Variants in ATP11C observed in about 807,000 individuals in gnomAD.
ATP11C encodes phospholipid-transporting ATPase IG.
In ATP11C, 36 loss-of-function variants were observed where a neutral mutation model predicts 97.4. The ratio of observed to expected loss-of-function variants is 0.37; its 90% CI spans 0.28 to 0.49. The LOEUF (loss-of-function observed/expected upper bound fraction) is 0.49, where lower values mean the gene tolerates loss of function less well. ATP11C is among the 20% of genes least tolerant of loss of function. The probability of loss-of-function intolerance (pLI) is 0.98; values close to 1 mark genes in which losing one functional copy is unlikely to be tolerated. For missense variants in ATP11C, 730 were observed against 824.6 expected (o/e 0.89, Z 1.40); for synonymous variants, 275 against 290.9 (o/e 0.95, Z 0.56).
At chrX:139,859,170 G>C (rs1037611873) in intron 1 of ATP11C, among the ~76,000 whole-genome samples, 4 of 111,991 alleles carry the variant, frequency 3.6e-5, no homozygotes, top group African/African-American at 6.5e-5. Flanking sequence ...CATAGAAGTA[G>C]AGAGCAGAAT....
chrX:139,815,512 A>G (rs942433250), intron 4 of ATP11C, among the ~76,000 whole-genome samples: 22 of 111,963 alleles, frequency 2.0e-4, no homozygotes, highest in Non-Finnish European at 1.9e-5. Flanking sequence ...GATAAGTTGT[A>G]GAGATCAACA....
At chrX:139,806,198 AG>A (rs1363158513) in intron 5 of ATP11C, among the ~76,000 whole-genome samples, 1 of 111,607 alleles carries the variant, frequency 9.0e-6, no homozygotes, top group Admixed American at 9.6e-5. Flanking sequence ...CAGATCACAA[AG>A]GGCTTAGCAG....
intron 12 of ATP11C, among the ~76,000 whole-genome samples, chrX:139,789,935 C>A (rs1031186040): frequency 3.8e-4 from 41 of 108,505 alleles, no homozygotes; most frequent in Non-Finnish European, 9.5e-5. Context: ...GAGGCTGAGG[C>A]ACAAGAATTG....
Position 139,902,393 on chromosome X carries a change from C to T in ATP11C, c.27+29623G>A, listed in dbSNP as rs902699260. Among the ~76,000 whole-genome samples, 3 of 111,350 alleles carry T rather than the reference C, an allele frequency of 2.7e-5. No individual in the cohort carries two copies. In the Admixed American group the frequency reaches 2.9e-4, roughly 11 times the overall value. ...AATTAACTGGACCTATCTCAGATATCTGGGGTTCACACTGATATGACTATG... is the reference window on the plus strand; with the variant it reads ...AATTAACTGGACCTATCTCAGATATTTGGGGTTCACACTGATATGACTATG... On this transcript the variant is annotated intron_variant, in intron 1 of 29. Transcript: ENST00000682941.
chrX:139,796,928 CT>C (rs920467678), intron 11 of ATP11C, among the ~76,000 whole-genome samples: 1 of 108,825 alleles, frequency 9.2e-6, no homozygotes, highest in African/African-American at 3.4e-5. Context: ...AAAAAAAACT[CT>C]TTTTTTCTTT....
chrX:139,905,785 G>A (rs755695559), intron 1 of ATP11C, among the ~76,000 whole-genome samples: 4 of 111,559 alleles, frequency 3.6e-5, no homozygotes, highest in Non-Finnish European at 5.6e-5. Flanking sequence ...AATATTGCCT[G>A]CTGTAATTGG....
chrX:139,890,002 T>C (rs1241698225), intron 1 of ATP11C, among the ~76,000 whole-genome samples: 1 of 112,199 alleles, frequency 8.9e-6, no homozygotes, highest in Non-Finnish European at 1.9e-5. Context: ...ACAACCACTC[T>C]GATTTAGAAG....
chrX:139,897,409 C>T (rs921010655), intron 1 of ATP11C, among the ~76,000 whole-genome samples: 8 of 109,732 alleles, frequency 7.3e-5, no homozygotes, highest in South Asian at 3.9e-4. Flanking sequence ...TTGGGCCGAG[C>T]GCAGAGGCTC....
In ATP11C at chrX:139,870,775, G is replaced by A. The variant is rs948209563; in HGVS notation, c.28-43952C>T. Among the ~76,000 whole-genome samples the A allele has an allele frequency of 6.3e-5, 7 of 111,989 alleles. No individual in the cohort carries two copies. The South Asian group carries it at 1.1e-3, about 17-fold the overall frequency. ...CTTCTGTGTATAAAAAGATACACGC[G>A]GCCAGGCGCGGTGGCTCACGCCTGT... On this transcript the variant is annotated intron_variant, in intron 1 of 29. Coordinates refer to ENST00000682941, the MANE Select transcript of ATP11C (RefSeq NM_001353812.2).
At chrX:139,768,118 A>G in intron 20 of ATP11C, 142 bp downstream of exon 20, 1 of 399,970 alleles carries the variant, frequency 2.5e-6, no homozygotes. Context: ...GTCTGATTAC[A>G]AAAAGAAAGA....
chrX:139,857,804 AC>A (rs1056702425), intron 1 of ATP11C, among the ~76,000 whole-genome samples: 3 of 110,812 alleles, frequency 2.7e-5, no homozygotes, highest in African/African-American at 9.9e-5. Context: ...AAAAAAAAAA[AC>A]TTTTGGAGCC....
At chrX:139,894,995 G>A (rs1417687921) in intron 1 of ATP11C, among the ~76,000 whole-genome samples, 3 of 111,811 alleles carry the variant, frequency 2.7e-5, no homozygotes, top group Non-Finnish European at 5.6e-5. Flanking sequence ...GGCAGAGGTT[G>A]CAGTGAGCCG....
At position 139,733,445 on chromosome X, in the gene ATP11C, AAGT is replaced by A. The variant is rs767547056; in HGVS notation, c.3289-1693_3289-1691del. 7.1e-3 allele frequency among the ~76,000 whole-genome samples: 795 copies of A among 112,255 alleles called. 8 individuals carry two copies. Among genetic ancestry groups the A allele is most frequent in the African/African-American group, 0.024 (746 of 30,948 alleles). On this transcript the variant is annotated intron_variant, in intron 28 of 29. Coordinates refer to ENST00000682941, the MANE Select transcript of ATP11C (RefSeq NM_001353812.2). ...TGGGCTTAGAAAAAGAAACCAGCTA[AAGT>A]AACATTTGTTTCCAGAAGATTCTAA...
At chrX:139,864,470 G>T (rs2084251597) in intron 1 of ATP11C, among the ~76,000 whole-genome samples, 1 of 112,164 alleles carries the variant, frequency 8.9e-6, no homozygotes, top group Admixed American at 9.5e-5. Flanking sequence ...CAGTAAAAAA[G>T]ATTTTAGATC....
intron 22 of ATP11C, among the ~76,000 whole-genome samples, chrX:139,760,899 G>A (rs1463176664): frequency 8.9e-6 from 1 of 112,054 alleles, no homozygotes; most frequent in Non-Finnish European, 1.9e-5. Context: ...GTTTCTTTTG[G>A]AAATGATAGA....
chrX:139,883,793 G>A (rs559627105), intron 1 of ATP11C, among the ~76,000 whole-genome samples: 23 of 111,362 alleles, frequency 2.1e-4, no homozygotes, highest in Non-Finnish European at 3.2e-4. Context: ...TAGACAAATC[G>A]AAGATATCAA....
intron 2 of ATP11C, among the ~76,000 whole-genome samples, chrX:139,823,082 C>T (rs866227184): frequency 3.6e-5 from 4 of 110,010 alleles, no homozygotes; most frequent in Non-Finnish European, 7.6e-5. Context: ...GCCAGGCGGG[C>T]GCCTGTAATC....
rs2085450102 is a variant in ATP11C, at chrX:139,932,211, C to G, written c.-169G>C. On this transcript the variant is annotated 5_prime_UTR_variant, in exon 1 of 30. Transcript: ENST00000682941. ...CCCCTCGGCTCTCCGCGCTCCCCCG[C>G]CCCCCAGCCGCCCGCAGCCTAGCCG... is the stretch of plus-strand genomic sequence containing the variant. The G allele has an allele frequency of 4.3e-6, 1 of 233,851 alleles. No individual in the cohort carries two copies. The highest frequency in any genetic ancestry group is 6.2e-6 in the Non-Finnish European group (1 of 162,470). 19.3% of individuals were successfully genotyped at this position (233,851 alleles called of 1,213,427 possible).
At position 139,841,674 on chromosome X, in the gene ATP11C, G is replaced by C. The variant is rs751400844; in HGVS notation, c.28-14851C>G. On this transcript the variant is annotated intron_variant, in intron 1 of 29. Transcript: ENST00000682941. ...AGACTACAGTGAATCTTGTGTAGAA[G>C]AACAACTAGAACACCTAAGTGGTAT... Among the ~76,000 whole-genome samples, 5 of 112,300 alleles carry C rather than the reference G, an allele frequency of 4.5e-5. No homozygotes were observed. In the East Asian group the frequency reaches 1.4e-3, roughly 32 times the overall value.
Sources: gnomAD v4.1 joint callset for allele counts (sites outside exome capture counted in the v4.1 genomes callset) on GRCh38, gnomAD v4.1.1 for gene constraint, MANE v1.5 for transcripts, NCBI Gene and HGNC (gene_info 2026-07-23, HGNC 2026-07-21) for gene names.